Variants in LRRC9 observed in about 807,000 individuals in gnomAD.
LRRC9 encodes the protein leucine-rich repeat-containing protein 9.
LRRC9 carries 122 observed loss-of-function variants against 63.2 expected under a neutral mutation model. The observed-to-expected ratio is 1.93, with a 90% CI of 1.67 to 2.24. The LOEUF is 2.24. Ranked by LOEUF, LRRC9 falls within the 30% of genes most tolerant of loss-of-function variation. The pLI, the probability that LRRC9 is intolerant of heterozygous loss-of-function variation, is 0.00. For synonymous variants in LRRC9, 366 were observed against 213.1 expected, an observed-to-expected ratio of 1.72 and a Z score of -6.25; for missense variants, 1,071 against 627.7, an observed-to-expected ratio of 1.71 and a Z score of -7.55.
At chr14:60,001,557 T>C (rs1476016913) in intron 19 of LRRC9, among the ~76,000 whole-genome samples, 2 of 152,106 alleles carry the variant, frequency 1.3e-5, no homozygotes, top group Non-Finnish European at 1.5e-5. Context: ...GACATAGGAC[T>C]ATAAAGAAAG....
At chr14:59,987,576 T>A (rs976674042) in intron 17 of LRRC9, among the ~76,000 whole-genome samples, 1 of 151,700 alleles carries the variant, frequency 6.6e-6, no homozygotes, top group East Asian at 1.9e-4. Flanking sequence ...TTTGCTTACT[T>A]AAGATACATC....
At chr14:60,041,464 C>G (rs978949188) in intron 29 of LRRC9, among the ~76,000 whole-genome samples, 2 of 151,296 alleles carry the variant, frequency 1.3e-5, no homozygotes, top group Admixed American at 1.3e-4. Flanking sequence ...ATTTTTTACT[C>G]TAAACTTCTC....
In LRRC9 at chr14:60,003,859, A is replaced by T. The variant is rs1889592113; in HGVS notation, c.2842+61A>T. The stretch of plus-strand genomic sequence containing the variant: ...GGGATGTCTAAACAACAAAGCAAAA[A>T]ATAACCCTGGGAACAGAGTTTCTGA... On this transcript the variant is annotated intron_variant, in intron 21 of 31. Transcript: ENST00000445360. The surrounding 1 kb of genome is among the most constrained non-coding windows in gnomAD (Gnocchi z 4.2). The T allele has an allele frequency of 3.7e-6, 2 of 541,524 alleles. No homozygotes were observed. Among genetic ancestry groups the T allele is most frequent in the Non-Finnish European group, 6.5e-6 (2 of 308,132 alleles). 33.5% of individuals were successfully genotyped at this position (541,524 alleles called of 1,614,324 possible).
intron 29 of LRRC9, among the ~76,000 whole-genome samples, chr14:60,045,022 C>G (rs1191479829): frequency 6.9e-6 from 1 of 145,982 alleles, no homozygotes; most frequent in Non-Finnish European, 1.5e-5. Flanking sequence ...GAATTGAAAC[C>G]TTTGTCATTA....
chr14:59,993,445 C>T (rs1352097180), intron 17 of LRRC9, among the ~76,000 whole-genome samples: 1 of 152,170 alleles, frequency 6.6e-6, no homozygotes, highest in Non-Finnish European at 1.5e-5. Context: ...ATGACAGGAT[C>T]AAATTCACAC....
At position 60,004,382 on chromosome 14, in the gene LRRC9, A is replaced by G. The variant is rs567996615; in HGVS notation, c.2842+584A>G. ...AAGAAATGAAAATTATACTCACTAG[A>G]GGTTGAAAATAAAATATACTATATG... On this transcript the variant is annotated intron_variant, in intron 21 of 31. Coordinates refer to ENST00000445360, the Ensembl canonical transcript of LRRC9. The surrounding 1 kb of genome is among the most constrained non-coding windows in gnomAD (Gnocchi z 4.8). Among the ~76,000 whole-genome samples the G allele has an allele frequency of 1.1e-4, 16 of 152,272 alleles. No individual in the cohort carries two copies. The South Asian group carries it at 3.3e-3, about 32-fold the overall frequency.
At chr14:60,050,208 C>G (rs569804968) in intron 29 of LRRC9, among the ~76,000 whole-genome samples, 1 of 152,230 alleles carries the variant, frequency 6.6e-6, no homozygotes, top group Middle Eastern at 3.4e-3. Context: ...GTTGGCCAGG[C>G]TGGTCTCAAA....
chr14:59,949,254 A>T (rs1164243134), intron 8 of LRRC9, among the ~76,000 whole-genome samples: 1 of 152,186 alleles, frequency 6.6e-6, no homozygotes, highest in African/African-American at 2.4e-5. Context: ...GTATGTGTCG[A>T]GGAATTTATC....
intron 28 of LRRC9, among the ~76,000 whole-genome samples, chr14:60,028,863 C>T (rs982832721): frequency 3.9e-5 from 6 of 152,186 alleles, no homozygotes; most frequent in East Asian, 3.9e-4. Context: ...GCATAGTACC[C>T]GGTACATAAT....
At chr14:60,000,359 T>C (rs992409631) in intron 19 of LRRC9, among the ~76,000 whole-genome samples, 2 of 152,142 alleles carry the variant, frequency 1.3e-5, no homozygotes, top group African/African-American at 4.8e-5. Flanking sequence ...ACCTGAATGA[T>C]GGGTTCAATC....
chr14:59,987,350 CTTG>C (rs1249007101), intron 17 of LRRC9, among the ~76,000 whole-genome samples: 4 of 148,452 alleles, frequency 2.7e-5, no homozygotes, highest in African/African-American at 7.3e-5. Context: ...TTTGTAACAA[CTTG>C]TTGTCATTAC....
At chr14:59,955,919 G>T (rs1385478017) in intron 8 of LRRC9, among the ~76,000 whole-genome samples, 3 of 152,126 alleles carry the variant, frequency 2.0e-5, no homozygotes, top group South Asian at 2.1e-4. Flanking sequence ...TCAGGAGCAG[G>T]TTGTCAATTT....
At chr14:60,002,446 A>C (rs905795273) in intron 20 of LRRC9, among the ~76,000 whole-genome samples, 1 of 152,090 alleles carries the variant, frequency 6.6e-6, no homozygotes, top group Non-Finnish European at 1.5e-5. Flanking sequence ...CCTGGCAACC[A>C]CTATTCTACT....
intron 6 of LRRC9, among the ~76,000 whole-genome samples, chr14:59,933,415 C>T (rs1889875695): frequency 6.6e-6 from 1 of 152,086 alleles, no homozygotes; most frequent in African/African-American, 2.4e-5. Context: ...GAGAAACAAC[C>T]AAATAAAGGG....
At chr14:60,012,520 A>G (rs1890335609) in intron 23 of LRRC9, among the ~76,000 whole-genome samples, 1 of 152,214 alleles carries the variant, frequency 6.6e-6, no homozygotes, top group Admixed American at 6.5e-5. Flanking sequence ...CAGATTAGAA[A>G]AAAAGAAGGG....
chr14:59,968,710 C>T (rs951077130), intron 12 of LRRC9, among the ~76,000 whole-genome samples: 4 of 152,118 alleles, frequency 2.6e-5, no homozygotes. Context: ...AACTATGAAC[C>T]ATTATCGGGA....
intron 12 of LRRC9, among the ~76,000 whole-genome samples, chr14:59,974,138 A>T (rs1885843307): frequency 6.6e-6 from 1 of 152,164 alleles, no homozygotes; most frequent in Admixed American, 6.5e-5. Context: ...GGGTTAACAC[A>T]TGAAAAGTGT....
intron 15 of LRRC9, among the ~76,000 whole-genome samples, chr14:59,979,324 G>A (rs1386955731): frequency 6.6e-6 from 1 of 152,108 alleles, no homozygotes; most frequent in Non-Finnish European, 1.5e-5. Context: ...AATTTTAATT[G>A]TAAGAAAAAC....
chr14:60,029,329 G>T (rs76109264), intron 28 of LRRC9, among the ~76,000 whole-genome samples: 1 of 152,020 alleles, frequency 6.6e-6, no homozygotes, highest in Non-Finnish European at 1.5e-5. Context: ...ACACGCCATC[G>T]AGCTTAGAAT....
Sources: allele counts gnomAD v4.1 joint callset (sites outside exome capture counted in the v4.1 genomes callset), GRCh38; gene constraint gnomAD v4.1.1; non-coding constraint Gnocchi (gnomAD v3.1); transcripts MANE v1.5; gene names NCBI Gene and HGNC (gene_info 2026-07-23, HGNC 2026-07-21).